PUDP: variants seen among roughly 807,000 people sequenced by gnomAD.
PUDP encodes pseudouridine-5'-phosphatase.
Under a neutral mutation model 9.4 loss-of-function variants are expected in PUDP, and 8 were observed. That is an observed-to-expected ratio of 0.85 (90% CI 0.50 to 1.53). PUDP has a LOEUF of 1.53. Ranked by LOEUF, PUDP falls within the 40% of genes most tolerant of loss-of-function variation. The probability of loss-of-function intolerance (pLI) is 0.00; values close to 1 mark genes in which losing one functional copy is unlikely to be tolerated. For synonymous variants in PUDP, 99 were observed against 80.7 expected (o/e 1.23, Z -1.22); for missense variants, 188 against 189.7 (o/e 0.99, Z 0.05).
chrX:6,939,267 A>G (rs73629007), intron 3 of PUDP, among the ~76,000 whole-genome samples: 1 of 108,264 alleles, frequency 9.2e-6, no homozygotes. Flanking sequence ...AGATAAAGTA[A>G]TATATTATTT....
At chrX:7,082,932 A>G (rs1336505498) in intron 2 of PUDP, among the ~76,000 whole-genome samples, 1 of 112,571 alleles carries the variant, frequency 8.9e-6, no homozygotes, top group Non-Finnish European at 1.9e-5. Flanking sequence ...CTTGTTTAGA[A>G]AAAGGGTCTT....
intron 3 of PUDP, among the ~76,000 whole-genome samples, chrX:6,916,411 G>GTTTT (rs371625779): frequency 4.2e-5 from 4 of 95,020 alleles, no homozygotes; most frequent in African/African-American, 7.6e-5. Flanking sequence ...TGCATCCCCA[G>GTTTT]TTTTTTTTTT....
At chrX:6,939,007 C>G (rs924230471) in intron 3 of PUDP, among the ~76,000 whole-genome samples, 1 of 110,344 alleles carries the variant, frequency 9.1e-6, no homozygotes, top group Non-Finnish European at 1.9e-5. Context: ...TTTACAAACT[C>G]ATTCTCAACT....
rs184135578 is a variant in PUDP, at chrX:6,779,053, G to A, written c.*248-72587C>T. Reference sequence around the variant, plus strand: ...AAATATACTAGGTGCGCATAAGAGCGAGCATTGTGACCACTGCTAATTATT... The same window carrying A: ...AAATATACTAGGTGCGCATAAGAGCAAGCATTGTGACCACTGCTAATTATT... On this transcript the variant is annotated intron_variant and NMD_transcript_variant, in intron 3 of 3. Coordinates refer to the PUDP transcript ENST00000655425. Among the ~76,000 whole-genome samples, 34 of 111,738 alleles carry A rather than the reference G, an allele frequency of 3.0e-4. No homozygotes were observed. In the East Asian group the frequency reaches 6.2e-3, roughly 20 times the overall value.
At chrX:6,848,559 T>C (rs1926781736) in intron 3 of PUDP, among the ~76,000 whole-genome samples, 1 of 112,090 alleles carries the variant, frequency 8.9e-6, no homozygotes, top group Non-Finnish European at 1.9e-5. Context: ...CAAACAAAAA[T>C]GAGGTGAGAC....
In PUDP at chrX:7,077,347, T is replaced by C; in HGVS notation, c.383A>G (p.Lys128Arg). The change falls in exon 3 of 4, where the codon AAG becomes AGG. Residue 128 changes from lysine (K) to arginine (R), a missense_variant. Transcript: ENST00000381077. ...GTGGGAAAACAAGCTGAAGAACTCC[T>C]TGTGGCGGCTTGTCTTCATATCGAA... is the stretch of plus-strand genomic sequence containing the variant. Reference protein sequence around the residue: ...ASFDMKTSRHKEFFSLFSHIV... With the variant: ...ASFDMKTSRHREFFSLFSHIV... 8.3e-7 allele frequency: 1 copy of C among 1,210,640 alleles called. No individual in the cohort carries two copies. The highest frequency in any genetic ancestry group is 1.1e-6 in the Non-Finnish European group (1 of 895,056).
intron 1 of PUDP, among the ~76,000 whole-genome samples, chrX:7,106,076 G>A (rs1265033289): frequency 8.9e-6 from 1 of 112,354 alleles, no homozygotes; most frequent in African/African-American, 3.2e-5. Flanking sequence ...TCAGAACTCA[G>A]GAGAGAAATG....
chrX:6,932,844 C>T (rs779962468), intron 3 of PUDP, among the ~76,000 whole-genome samples: 4 of 110,888 alleles, frequency 3.6e-5, no homozygotes, highest in African/African-American at 9.8e-5. Context: ...GAGGGTCCTA[C>T]GCCCACGGAG....
At chrX:6,786,549 G>C (rs2146686610) in intron 3 of PUDP, among the ~76,000 whole-genome samples, 1 of 112,486 alleles carries the variant, frequency 8.9e-6, no homozygotes, top group South Asian at 3.7e-4. Context: ...CATTGTGTTG[G>C]TAACACGTCT....
intron 3 of PUDP, among the ~76,000 whole-genome samples, chrX:6,845,689 A>C (rs1926735626): frequency 8.9e-6 from 1 of 112,112 alleles, no homozygotes. Context: ...CTTTACACTC[A>C]CTGATATCTT....
At chrX:6,790,344 C>T (rs1460987616) in intron 3 of PUDP, among the ~76,000 whole-genome samples, 2 of 112,237 alleles carry the variant, frequency 1.8e-5, no homozygotes, top group African/African-American at 3.2e-5. Flanking sequence ...AAATTGCAAA[C>T]AGTCCAGGTA....
intron 3 of PUDP, among the ~76,000 whole-genome samples, chrX:6,966,547 T>A (rs1183629824): frequency 2.0e-5 from 2 of 101,523 alleles, no homozygotes; most frequent in East Asian, 3.1e-4. Flanking sequence ...GCCTTCATAT[T>A]TTTTTTTTTT....
At chrX:6,792,558 G>A (rs773922905) in intron 3 of PUDP, among the ~76,000 whole-genome samples, 5 of 110,933 alleles carry the variant, frequency 4.5e-5, no homozygotes, top group Admixed American at 9.7e-5. Flanking sequence ...GAAATGTCCT[G>A]TCTGAAGACA....
At chrX:6,797,303 T>C (rs1301902087) in intron 3 of PUDP, among the ~76,000 whole-genome samples, 1 of 111,702 alleles carries the variant, frequency 9.0e-6, no homozygotes, top group South Asian at 3.8e-4. Flanking sequence ...GCCTCTAAAA[T>C]GCCCCCCAAC....
intron 3 of PUDP, among the ~76,000 whole-genome samples, chrX:6,882,634 G>A (rs1180591173): frequency 3.6e-5 from 4 of 111,725 alleles, no homozygotes; most frequent in Non-Finnish European, 5.6e-5. Context: ...AGTCATGAGC[G>A]GTGGTTAAGG....
chrX:6,978,348 A>G (rs999816727), intron 1 of PUDP, among the ~76,000 whole-genome samples: 4 of 88,531 alleles, frequency 4.5e-5, no homozygotes, highest in African/African-American at 1.5e-4. Flanking sequence ...TTCTTTCTAA[A>G]AAAAGAGAGA....
intron 3 of PUDP, among the ~76,000 whole-genome samples, chrX:6,907,334 A>G (rs985108231): frequency 2.7e-5 from 3 of 110,972 alleles, no homozygotes; most frequent in African/African-American, 9.8e-5. Flanking sequence ...AGTCAATTAA[A>G]CCTCTTTCCT....
intron 3 of PUDP, among the ~76,000 whole-genome samples, chrX:6,957,713 G>A (rs943047141): frequency 1.8e-5 from 2 of 112,421 alleles, no homozygotes; most frequent in Admixed American, 1.9e-4. Flanking sequence ...AAAGAATTTG[G>A]AAGAGCAGGC....
chrX:7,087,979 G>A (rs1455260129), intron 2 of PUDP, among the ~76,000 whole-genome samples: 5 of 111,929 alleles, frequency 4.5e-5, no homozygotes, highest in Admixed American at 9.5e-5. Context: ...TGATGGCACA[G>A]CTTGTGTTCT....
Sources: gnomAD v4.1 joint callset for allele counts (sites outside exome capture counted in the v4.1 genomes callset) on GRCh38, gnomAD v4.1.1 for gene constraint, MANE v1.5 for transcripts, NCBI Gene and HGNC (gene_info 2026-07-23, HGNC 2026-07-21) for gene names.